B3GALT1: variants seen among roughly 807,000 people sequenced by gnomAD.
The protein encoded by B3GALT1 is UDP-Gal:betaGlcNAc beta 1,3-galactosyltransferase, polypeptide 1.
B3GALT1 carries 10 observed loss-of-function variants against 23.2 expected under a neutral mutation model. That is an observed-to-expected ratio of 0.43 (90% CI 0.27 to 0.73). The LOEUF (loss-of-function observed/expected upper bound fraction) is 0.73, where lower values mean the gene tolerates loss of function less well. B3GALT1 is among the 30% of genes least tolerant of loss of function. B3GALT1 has a pLI of 0.21. For missense variants in B3GALT1, 299 were observed against 405.4 expected, an observed-to-expected ratio of 0.74 and a Z score of 2.25; for synonymous variants, 156 against 141.5, an observed-to-expected ratio of 1.10 and a Z score of -0.73.
chr2:167,427,128 C>G (rs1411465508), intron 1 of B3GALT1, among the ~76,000 whole-genome samples: 1 of 152,110 alleles, frequency 6.6e-6, no homozygotes, highest in Non-Finnish European at 1.5e-5. Context: ...ATCCAAAGCT[C>G]ACAAATAGGC....
At position 167,871,627 on chromosome 2, in the gene B3GALT1, A is replaced by G. The variant is rs1210667235; in HGVS notation, c.*1607A>G. ...GGCAGCTGCCTTTCTTTGGGAAGGA[A>G]CCTCTGGTTGGGGTATATTACAGTA... On this transcript the variant is annotated 3_prime_UTR_variant, in exon 5 of 5. Transcript: ENST00000392690. 2 of 152,050 alleles carry G rather than the reference A, an allele frequency of 1.3e-5. No individual in the cohort carries two copies. Among genetic ancestry groups the G allele is most frequent in the African/African-American group, 4.8e-5 (2 of 41,398 alleles). 9.4% of individuals were successfully genotyped at this position (152,050 alleles called of 1,614,324 possible). A position where few individuals can be genotyped will look rare whatever the true frequency, so the allele number is the denominator to read the frequency against.
intron 1 of B3GALT1, among the ~76,000 whole-genome samples, chr2:167,392,573 C>G (rs1680522166): frequency 6.6e-6 from 1 of 152,044 alleles, no homozygotes; most frequent in Admixed American, 6.6e-5. Flanking sequence ...TGAACCTTGT[C>G]TTGAGATGTA....
At chr2:167,725,985 A>G (rs549532897) in intron 3 of B3GALT1, among the ~76,000 whole-genome samples, 2 of 152,278 alleles carry the variant, frequency 1.3e-5, no homozygotes. Context: ...TGGGATTAAA[A>G]TTTTCTCTGG....
intron 2 of B3GALT1, among the ~76,000 whole-genome samples, chr2:167,625,519 T>C (rs1685325046): frequency 6.6e-6 from 1 of 151,786 alleles, no homozygotes; most frequent in Admixed American, 6.6e-5. Flanking sequence ...AGGCCGACTG[T>C]CAGAAGAAGA....
chr2:167,673,091 T>C (rs879435623), intron 3 of B3GALT1, among the ~76,000 whole-genome samples: 69 of 151,718 alleles, frequency 4.5e-4, no homozygotes, highest in Admixed American at 1.9e-3. Flanking sequence ...GGAGTTGATA[T>C]AGTAGATAAA....
chr2:167,745,907 G>A (rs2105281023), intron 3 of B3GALT1, among the ~76,000 whole-genome samples: 1 of 152,130 alleles, frequency 6.6e-6, no homozygotes, highest in East Asian at 1.9e-4. Flanking sequence ...ACTGGCACTT[G>A]AATTGTATAT....
chr2:167,696,480 C>T (rs992157900), intron 3 of B3GALT1, among the ~76,000 whole-genome samples: 2 of 152,040 alleles, frequency 1.3e-5, no homozygotes, highest in African/African-American at 4.8e-5. Context: ...TCAAGGAATG[C>T]CTTGTCCTTA....
At chr2:167,733,081 G>C (rs1687432947) in intron 3 of B3GALT1, among the ~76,000 whole-genome samples, 1 of 152,190 alleles carries the variant, frequency 6.6e-6, no homozygotes, top group South Asian at 2.1e-4. Context: ...GGGTTTATCT[G>C]TGACCCCTGT....
At chr2:167,689,109 C>A (rs573878575) in intron 3 of B3GALT1, among the ~76,000 whole-genome samples, 1 of 143,608 alleles carries the variant, frequency 7.0e-6, no homozygotes, top group East Asian at 2.0e-4. Flanking sequence ...CAAATAGAAA[C>A]GCCATAGTCA....
intron 3 of B3GALT1, among the ~76,000 whole-genome samples, chr2:167,672,697 T>C (rs867510409): frequency 1.3e-5 from 2 of 152,160 alleles, no homozygotes; most frequent in African/African-American, 2.4e-5. Flanking sequence ...GATTAAATAA[T>C]TGAATACTTG....
intron 2 of B3GALT1, among the ~76,000 whole-genome samples, chr2:167,629,946 G>T (rs916948644): frequency 6.6e-6 from 1 of 151,590 alleles, no homozygotes; most frequent in Non-Finnish European, 1.5e-5. Context: ...GTCTCTCTGG[G>T]CATTTTTTTC....
At chr2:167,333,825 A>G (rs1697014158) in intron 1 of B3GALT1, among the ~76,000 whole-genome samples, 1 of 152,182 alleles carries the variant, frequency 6.6e-6, no homozygotes, top group Non-Finnish European at 1.5e-5. Flanking sequence ...GAAGTTACTG[A>G]GAATGGAAGC....
At chr2:167,556,148 A>G (rs933850182) in intron 2 of B3GALT1, among the ~76,000 whole-genome samples, 3 of 152,136 alleles carry the variant, frequency 2.0e-5, no homozygotes, top group Non-Finnish European at 4.4e-5. Flanking sequence ...AGGACAGGTA[A>G]TGAAAGGAAA....
At chr2:167,357,348 A>T (rs1472129146) in intron 1 of B3GALT1, among the ~76,000 whole-genome samples, 2 of 152,046 alleles carry the variant, frequency 1.3e-5, no homozygotes, top group Non-Finnish European at 2.9e-5. Flanking sequence ...TAGTTAAAAA[A>T]CCAACAAATA....
At chr2:167,643,510 G>T (rs1403753180) in intron 2 of B3GALT1, among the ~76,000 whole-genome samples, 1 of 152,086 alleles carries the variant, frequency 6.6e-6, no homozygotes, top group Non-Finnish European at 1.5e-5. Context: ...ATGAAGAATT[G>T]GAGTAATCAT....
intron 2 of B3GALT1, among the ~76,000 whole-genome samples, chr2:167,535,697 T>G (rs1057478984): frequency 6.6e-6 from 1 of 152,162 alleles, no homozygotes; most frequent in South Asian, 2.1e-4. Context: ...AATTACATTT[T>G]CAGAGTAATA....
chr2:167,512,621 C>CATATATAT (rs1491192427), intron 2 of B3GALT1, among the ~76,000 whole-genome samples: 1 of 37,560 alleles, frequency 2.7e-5, no homozygotes, highest in Admixed American at 3.2e-4. Flanking sequence ...TATATATATA[C>CATATATAT]GTGTATATAT....
chr2:167,786,140 A>T lies in B3GALT1; in HGVS notation c.-351-32532A>T, dbSNP rs1688341251. Among the ~76,000 whole-genome samples, 5 of 152,314 alleles carry T rather than the reference A, an allele frequency of 3.3e-5. No individual in the cohort carries two copies. In the South Asian group the frequency reaches 1.0e-3, roughly 32 times the overall value. On this transcript the variant is annotated intron_variant, in intron 3 of 4. Coordinates refer to ENST00000392690, the MANE Select transcript of B3GALT1 (RefSeq NM_020981.4). ...TGGATCGGCTTTGAAATTACAAAAG[A>T]TCTGTTGACCCTAGACCATTCCTGT...
intron 4 of B3GALT1, among the ~76,000 whole-genome samples, chr2:167,860,638 G>A (rs1000592311): frequency 1.3e-5 from 2 of 152,168 alleles, no homozygotes; most frequent in Non-Finnish European, 2.9e-5. Context: ...AGTATAAGAT[G>A]TAGTAGTATT....
Sources: allele counts gnomAD v4.1 joint callset (sites outside exome capture counted in the v4.1 genomes callset), GRCh38; gene constraint gnomAD v4.1.1; transcripts MANE v1.5; gene names NCBI Gene and HGNC (gene_info 2026-07-23, HGNC 2026-07-21).